Variants in EDIL3 observed in about 807,000 individuals in gnomAD.
EDIL3 encodes EGF-like repeat and discoidin I-like domain-containing protein 3.
In EDIL3, 37 loss-of-function variants were observed where a neutral mutation model predicts 67.4. The observed-to-expected ratio is 0.55, with a 90% CI of 0.42 to 0.72. The LOEUF is 0.72. Ranked by LOEUF, EDIL3 falls within the 30% of genes least tolerant of loss-of-function variation. EDIL3 has a pLI of 0.00. For missense variants in EDIL3, 527 were observed against 586.3 expected (o/e 0.90, Z 1.04); for synonymous variants, 195 against 196.3 (o/e 0.99, Z 0.05).
intron 4 of EDIL3, among the ~76,000 whole-genome samples, chr5:84,149,623 C>A (rs1428139256): frequency 6.6e-6 from 1 of 151,996 alleles, no homozygotes; most frequent in Non-Finnish European, 1.5e-5. Context: ...AAATTCATGT[C>A]TGGAATCCAA....
chr5:84,362,897 G>T (rs1446635824), intron 1 of EDIL3, among the ~76,000 whole-genome samples: 2 of 152,030 alleles, frequency 1.3e-5, no homozygotes, highest in African/African-American at 4.8e-5. Flanking sequence ...AGTTTAAGAT[G>T]ATCTATGTCA....
Position 84,132,848 on chromosome 5 carries a change from T to C in EDIL3, c.469+4393A>G, listed in dbSNP as rs189828246. On this transcript the variant is annotated intron_variant, in intron 5 of 10. Transcript: ENST00000296591. Reference sequence around the variant, plus strand: ...GCAAAAACTGGATAATTATGATATTTGGAAACATCACTTAGTCCTTACTAG... The same window carrying C: ...GCAAAAACTGGATAATTATGATATTCGGAAACATCACTTAGTCCTTACTAG... Among the ~76,000 whole-genome samples the C allele has an allele frequency of 1.7e-3, 254 of 151,956 alleles. 1 individual carries two copies. Among genetic ancestry groups the C allele is most frequent in the African/African-American group, 5.5e-3 (228 of 41,490 alleles).
chr5:84,082,095 C>G (rs1746981042), intron 6 of EDIL3, among the ~76,000 whole-genome samples: 1 of 152,222 alleles, frequency 6.6e-6, no homozygotes, highest in Admixed American at 6.5e-5. Context: ...GAATGGATTG[C>G]CAGTTATGGC....
intron 1 of EDIL3, among the ~76,000 whole-genome samples, chr5:84,303,160 G>GCTTT (rs1746193015): frequency 6.6e-6 from 1 of 152,094 alleles, no homozygotes; most frequent in Admixed American, 6.6e-5. Context: ...TCTACTCTCT[G>GCTTT]CTTTCTTTCT....
At chr5:83,954,563 T>C (rs546323326) in intron 10 of EDIL3, among the ~76,000 whole-genome samples, 1 of 151,824 alleles carries the variant, frequency 6.6e-6, no homozygotes, top group Non-Finnish European at 1.5e-5. Context: ...TAAAAAAAGC[T>C]TCCTGATGCC....
At chr5:83,950,780 C>T (rs894205781) in intron 10 of EDIL3, among the ~76,000 whole-genome samples, 6 of 151,734 alleles carry the variant, frequency 4.0e-5, no homozygotes, top group African/African-American at 1.5e-4. Flanking sequence ...TCTTTATTCT[C>T]CTGTATTTCT....
chr5:84,068,436 T>C (rs893659695), intron 6 of EDIL3, among the ~76,000 whole-genome samples: 1 of 152,172 alleles, frequency 6.6e-6, no homozygotes, highest in African/African-American at 2.4e-5. Context: ...CCAAATTATC[T>C]TTGCTAGAGT....
chr5:84,239,245 C>T (rs1292153788), intron 2 of EDIL3, among the ~76,000 whole-genome samples: 2 of 152,084 alleles, frequency 1.3e-5, no homozygotes, highest in African/African-American at 2.4e-5. Context: ...TTTTGTTGAC[C>T]TACTCTTGAT....
chr5:84,089,166 A>G (rs372827693), intron 6 of EDIL3, among the ~76,000 whole-genome samples: 6 of 152,328 alleles, frequency 3.9e-5, no homozygotes, highest in South Asian at 4.1e-4. Flanking sequence ...ACTCCACTAG[A>G]TGGGGCCATG....
intron 3 of EDIL3, among the ~76,000 whole-genome samples, chr5:84,226,697 G>A (rs1744458773): frequency 6.6e-6 from 1 of 151,872 alleles, no homozygotes; most frequent in South Asian, 2.1e-4. Flanking sequence ...TAATCCATAT[G>A]TGAAATTATG....
intron 8 of EDIL3, among the ~76,000 whole-genome samples, chr5:84,064,164 T>G (rs1291235064): frequency 6.6e-6 from 1 of 152,148 alleles, no homozygotes; most frequent in Non-Finnish European, 1.5e-5. Flanking sequence ...AAGAATGAAT[T>G]TATATTAGCA....
At chr5:84,280,581 C>A (rs1745674984) in intron 1 of EDIL3, among the ~76,000 whole-genome samples, 1 of 152,140 alleles carries the variant, frequency 6.6e-6, no homozygotes, top group African/African-American at 2.4e-5. Flanking sequence ...CCCTGGAATT[C>A]TGTCTTTGTC....
chr5:83,998,763 GC>G (rs777787855), intron 9 of EDIL3, among the ~76,000 whole-genome samples: 82 of 152,282 alleles, frequency 5.4e-4, no homozygotes, highest in Non-Finnish European at 9.3e-4. Flanking sequence ...TGACTAAAGA[GC>G]CCTTGGTCCT....
chr5:84,152,372 C>G (rs557297920), intron 4 of EDIL3, among the ~76,000 whole-genome samples: 210 of 152,182 alleles, frequency 1.4e-3, no homozygotes, highest in African/African-American at 4.4e-3. Flanking sequence ...AAAAAGGAAG[C>G]CTTCAAGACA....
intron 2 of EDIL3, among the ~76,000 whole-genome samples, chr5:84,240,771 T>G (rs1744779954): frequency 6.6e-6 from 1 of 152,132 alleles, no homozygotes. Flanking sequence ...CACATTACCT[T>G]CCTGGTCTTG....
chr5:84,378,210 A>G (rs1471045840), intron 1 of EDIL3, among the ~76,000 whole-genome samples: 1 of 152,214 alleles, frequency 6.6e-6, no homozygotes, highest in East Asian at 1.9e-4. Context: ...CAGGTTTTCA[A>G]GCTTAAACAT....
At chr5:84,032,943 A>G (rs2193958) in intron 9 of EDIL3, among the ~76,000 whole-genome samples, 19,104 of 152,206 alleles carry the variant, frequency 0.13, 1,949 homozygotes, top group African/African-American at 0.28. Flanking sequence ...ACTTCCAAGA[A>G]GTTTGGCCTT....
In EDIL3 at chr5:84,157,820, A is replaced by T. The variant is rs571012098; in HGVS notation, c.356-20466T>A. Among the ~76,000 whole-genome samples, 8 of 152,140 alleles carry T rather than the reference A, an allele frequency of 5.3e-5. No homozygotes were observed. The East Asian group carries it at 5.8e-4, about 11-fold the overall frequency. Reference sequence around the variant, plus strand: ...TTCTTGTAGAGATGTAGTATGAATTAAAAAAATAACGTAACGCTAAATGTA... The same window carrying T: ...TTCTTGTAGAGATGTAGTATGAATTTAAAAAATAACGTAACGCTAAATGTA... On this transcript the variant is annotated intron_variant, in intron 4 of 10. Transcript: ENST00000296591.
chr5:83,988,118 G>T (rs910685242), intron 9 of EDIL3, among the ~76,000 whole-genome samples: 3 of 151,916 alleles, frequency 2.0e-5, no homozygotes, highest in Non-Finnish European at 4.4e-5. Flanking sequence ...GATCATAAAG[G>T]TAGCTTTGTA....
Sources: allele counts gnomAD v4.1 joint callset (sites outside exome capture counted in the v4.1 genomes callset), GRCh38; gene constraint gnomAD v4.1.1; transcripts MANE v1.5; gene names NCBI Gene and HGNC (gene_info 2026-07-23, HGNC 2026-07-21).